The following CEP63 variants were observed in gnomAD, a reference collection of about 807,000 sequenced individuals.
CEP63 encodes the protein centrosomal protein of 63 kDa.
A neutral mutation model predicts 89.1 loss-of-function variants in CEP63; 84 were observed. The observed-to-expected ratio is 0.94, with a 90% confidence interval of 0.79 to 1.13. The LOEUF (loss-of-function observed/expected upper bound fraction) is 1.13. Ranked by LOEUF, CEP63 falls within the 50% of genes most tolerant of loss-of-function variation. The pLI is 0.00. For synonymous variants in CEP63, 267 were observed against 272.5 expected (o/e 0.98, Z 0.20); for missense variants, 838 against 813.3 (o/e 1.03, Z -0.37).
intron 3 of CEP63, among the ~76,000 whole-genome samples, chr3:134,531,598 AAGAG>A (rs111890176): frequency 5.9e-5 from 9 of 152,098 alleles, no homozygotes; most frequent in African/African-American, 2.2e-4. Flanking sequence ...AAAAAAGAAA[AAGAG>A]AGAGAGTCTT....
chr3:134,662,613 GGCAGCTATTCA>G, the CEP63 span, among the ~76,000 whole-genome samples: 13 of 152,330 alleles, frequency 8.5e-5, no homozygotes, highest in East Asian at 2.5e-3. Context: ...GCTCCGAGAA[GGCAGCTATTCA>G]GCATGAATAA....
At chr3:134,544,479 C>A (rs1421761502) in intron 6 of CEP63, among the ~76,000 whole-genome samples, 1 of 152,112 alleles carries the variant, frequency 6.6e-6, no homozygotes, top group African/African-American at 2.4e-5. Flanking sequence ...ATGACAGAAC[C>A]AATCTCTCCT....
chr3:134,534,291 A>G (rs969663354), intron 5 of CEP63, among the ~76,000 whole-genome samples: 18 of 152,112 alleles, frequency 1.2e-4, no homozygotes, highest in Non-Finnish European at 2.5e-4. Context: ...AGATAGTTTG[A>G]TTATCTTTGT....
At chr3:134,497,182 T>C (rs567013733) in intron 2 of CEP63, among the ~76,000 whole-genome samples, 1 of 152,334 alleles carries the variant, frequency 6.6e-6, no homozygotes, top group South Asian at 2.1e-4. Context: ...CCTTGTTGAA[T>C]GAATAGTTTG....
At chr3:134,546,031 G>A in intron 7 of CEP63, 118 bp from the exon 8 acceptor site, 1 of 1,130,490 alleles carries the variant, frequency 8.8e-7, no homozygotes, top group Non-Finnish European at 1.3e-6. Flanking sequence ...TGACTTCCTG[G>A]CTTCTCGTGA....
the CEP63 span, among the ~76,000 whole-genome samples, chr3:134,676,179 G>A: frequency 1.3e-5 from 2 of 152,178 alleles, no homozygotes; most frequent in Non-Finnish European, 1.5e-5. Context: ...AAACAACCTA[G>A]ATGCCCATCA....
chr3:134,608,624 A>G, the CEP63 span: 6 of 1,613,952 alleles, frequency 3.7e-6, no homozygotes, highest in Non-Finnish European at 5.1e-6. Flanking sequence ...TGCTGCTAGC[A>G]CACTGGCACC....
chr3:134,506,145 G>T (rs1438931329), intron 2 of CEP63, among the ~76,000 whole-genome samples: 1 of 152,182 alleles, frequency 6.6e-6, no homozygotes, highest in Non-Finnish European at 1.5e-5. Flanking sequence ...GAGCTGTCTT[G>T]TGGCCATTTC....
the CEP63 span, among the ~76,000 whole-genome samples, chr3:134,685,357 C>T: frequency 0.066 from 10,006 of 152,020 alleles, 362 homozygotes; most frequent in Middle Eastern, 0.095. Flanking sequence ...GTAAGTGCAA[C>T]GTGAACACAA....
chr3:134,582,832 C>T (rs1352617828), intron 10 of CEP63, among the ~76,000 whole-genome samples: 1 of 152,216 alleles, frequency 6.6e-6, no homozygotes, highest in East Asian at 1.9e-4. Context: ...ACATCCTCTC[C>T]AGCATCTGTT....
chr3:134,489,291 G>A (rs1378101835), intron 1 of CEP63, among the ~76,000 whole-genome samples: 10 of 152,120 alleles, frequency 6.6e-5, no homozygotes, highest in African/African-American at 1.9e-4. Flanking sequence ...ATTGCAGAAA[G>A]TTGTATTGAA....
At chr3:134,695,709 C>T in the CEP63 span, among the ~76,000 whole-genome samples, 1 of 152,220 alleles carries the variant, frequency 6.6e-6, no homozygotes, top group African/African-American at 2.4e-5. Flanking sequence ...TGTAACTCAC[C>T]TGCGCCTAGG....
At position 134,543,779 on chromosome 3, in the gene CEP63, C is replaced by T. The variant is rs148073905; in HGVS notation, c.556-1807C>T. Among the ~76,000 whole-genome samples, 12 of 152,298 alleles carry T rather than the reference C, an allele frequency of 7.9e-5. No homozygotes were observed. In the East Asian group the frequency reaches 2.3e-3, roughly 29 times the overall value. The stretch of plus-strand genomic sequence containing the variant: ...CAGCAAGCTGGGCTCTAACCCTTTT[C>T]TCCTTCTCACCCTCACCCAATATCT... On this transcript the variant is annotated intron_variant, in intron 6 of 14. Coordinates refer to ENST00000675561, the MANE Select transcript of CEP63 (RefSeq NM_001353108.3).
chr3:134,534,244 C>T (rs1193650237), intron 5 of CEP63, among the ~76,000 whole-genome samples: 2 of 152,202 alleles, frequency 1.3e-5, no homozygotes, highest in Non-Finnish European at 2.9e-5. Context: ...GCTTATAATA[C>T]TCTGACCTTA....
intron 12 of CEP63, chr3:134,553,643 C>G (rs1955423559): frequency 6.6e-6 from 1 of 152,044 alleles, no homozygotes; most frequent in Non-Finnish European, 1.5e-5. Flanking sequence ...TAATATATAG[C>G]CAGTGTTAGA....
intron 3 of CEP63, among the ~76,000 whole-genome samples, chr3:134,528,684 C>T (rs563651376): frequency 6.6e-6 from 1 of 151,782 alleles, no homozygotes. Flanking sequence ...TTTGTCTTTA[C>T]GGGTTATAGC....
At chr3:134,514,165 TA>T (rs994558751) in intron 3 of CEP63, among the ~76,000 whole-genome samples, 1 of 151,826 alleles carries the variant, frequency 6.6e-6, no homozygotes, top group Non-Finnish European at 1.5e-5. Context: ...TTAAAAACTG[TA>T]AAAAAAATGA....
intron 5 of CEP63, chr3:134,535,858 A>G (rs1409354208): frequency 6.6e-6 from 1 of 152,206 alleles, no homozygotes; most frequent in Non-Finnish European, 1.5e-5. Flanking sequence ...AAGTCAAATT[A>G]TATCACTTCC....
At chr3:134,486,628 C>T (rs1403601392) in intron 1 of CEP63, 2 of 823,728 alleles carry the variant, frequency 2.4e-6, no homozygotes, top group Non-Finnish European at 2.9e-6. Flanking sequence ...GGAGAGACCC[C>T]AGTGCGGCCT....
Sources: gnomAD v4.1 joint callset for allele counts (sites outside exome capture counted in the v4.1 genomes callset) on GRCh38, gnomAD v4.1.1 for gene constraint, MANE v1.5 for transcripts, NCBI Gene and HGNC (gene_info 2026-07-23, HGNC 2026-07-21) for gene names.